AOAH: variants seen among roughly 807,000 people sequenced by gnomAD.
AOAH encodes the protein acyloxyacyl hydrolase (neutrophil).
AOAH carries 64 observed loss-of-function variants against 92.2 expected under a neutral mutation model. That is an observed-to-expected ratio of 0.69 (90% CI 0.57 to 0.86). The LOEUF is 0.86. Ranked by LOEUF, AOAH falls within the 40% of genes least tolerant of loss-of-function variation. The probability of loss-of-function intolerance (pLI) is 0.00; values close to 1 mark genes in which losing one functional copy is unlikely to be tolerated. For synonymous variants in AOAH, 263 were observed against 254.5 expected (o/e 1.03, Z -0.32); for missense variants, 656 against 694.6 (o/e 0.94, Z 0.62).
intron 1 of AOAH, among the ~76,000 whole-genome samples, chr7:36,698,899 T>C (rs1317456207): frequency 1.3e-5 from 2 of 152,216 alleles, no homozygotes; most frequent in Middle Eastern, 3.4e-3. Flanking sequence ...GAACAGTGGG[T>C]ATTATTTCTT....
intron 10 of AOAH, 105 bp from the exon 11 acceptor site, chr7:36,616,579 G>C: frequency 2.2e-6 from 2 of 897,834 alleles, no homozygotes; most frequent in Non-Finnish European, 3.6e-6. Flanking sequence ...TCCAGGCACC[G>C]AGCATTTTCA....
rs1036100569 is a variant in AOAH at position 36,691,935 on chromosome 7, G to A, written c.128-5141C>T. 1.1e-4 allele frequency among the ~76,000 whole-genome samples: 17 copies of A among 152,286 alleles called. No individual in the cohort carries two copies. In the East Asian group the frequency reaches 3.1e-3, roughly 28 times the overall value. On this transcript the variant is annotated intron_variant, in intron 1 of 20. Transcript: ENST00000617537. ...AGGCCCCATGACGGAAAACCGAGGTGCTTCAGCCAGCAGATCACCTAGATC... is the reference window on the plus strand; with the variant it reads ...AGGCCCCATGACGGAAAACCGAGGTACTTCAGCCAGCAGATCACCTAGATC...
chr7:36,583,915 T>C (rs1486940223), intron 12 of AOAH, among the ~76,000 whole-genome samples: 1 of 152,174 alleles, frequency 6.6e-6, no homozygotes, highest in East Asian at 1.9e-4. Context: ...CATTTAAGGC[T>C]GTGGAGGCTT....
At chr7:36,695,603 A>G (rs1261714211) in intron 1 of AOAH, among the ~76,000 whole-genome samples, 2 of 152,164 alleles carry the variant, frequency 1.3e-5, no homozygotes, top group African/African-American at 2.4e-5. Context: ...ATTCTGAACT[A>G]TTTTACTTTA....
intron 1 of AOAH, among the ~76,000 whole-genome samples, chr7:36,703,546 C>A (rs10264136): frequency 0.013 from 2,030 of 152,182 alleles, 50 homozygotes; most frequent in African/African-American, 0.046. Context: ...CCTCCCCTTG[C>A]CTCCCACCCA....
intron 19 of AOAH, among the ~76,000 whole-genome samples, chr7:36,525,964 C>T (rs74916317): frequency 0.057 from 8,649 of 152,190 alleles, 325 homozygotes; most frequent in Middle Eastern, 0.095. Context: ...ATTTACTTGC[C>T]AAGCTTTGCG....
At chr7:36,657,327 T>G (rs1229336673) in intron 4 of AOAH, among the ~76,000 whole-genome samples, 1 of 152,140 alleles carries the variant, frequency 6.6e-6, no homozygotes, top group Non-Finnish European at 1.5e-5. Context: ...GTCACATAAC[T>G]TCTCTAACCC....
chr7:36,557,614 A>C (rs886448952), intron 13 of AOAH, among the ~76,000 whole-genome samples: 16 of 152,216 alleles, frequency 1.1e-4, no homozygotes, highest in Non-Finnish European at 2.1e-4. Context: ...TGTCACTTTC[A>C]GGTACACCAA....
intron 11 of AOAH, among the ~76,000 whole-genome samples, chr7:36,609,496 G>A (rs911404274): frequency 6.6e-6 from 1 of 152,124 alleles, no homozygotes; most frequent in African/African-American, 2.4e-5. Flanking sequence ...TGCTGGATGA[G>A]CTTTAGTTCA....
intron 16 of AOAH, among the ~76,000 whole-genome samples, chr7:36,539,646 G>T (rs1031742917): frequency 2.0e-5 from 3 of 152,304 alleles, no homozygotes; most frequent in African/African-American, 7.2e-5. Context: ...AACATATTCA[G>T]TGAGCTCTGT....
At chr7:36,589,660 G>A (rs1032564781) in intron 12 of AOAH, among the ~76,000 whole-genome samples, 2 of 152,168 alleles carry the variant, frequency 1.3e-5, no homozygotes, top group Non-Finnish European at 2.9e-5. Flanking sequence ...TGAGGTTGAG[G>A]AATGCTAAAT....
chr7:36,712,643 C>T (rs1798844662), intron 1 of AOAH, among the ~76,000 whole-genome samples: 1 of 152,198 alleles, frequency 6.6e-6, no homozygotes, highest in African/African-American at 2.4e-5. Flanking sequence ...TCAGCAGAAA[C>T]TCTACAAGCC....
chr7:36,697,645 T>C (rs76041035), intron 1 of AOAH, among the ~76,000 whole-genome samples: 2,611 of 152,298 alleles, frequency 0.017, 81 homozygotes, highest in African/African-American at 0.06. Context: ...AGTGAAGCCA[T>C]CTAGGCTTGG....
intron 13 of AOAH, among the ~76,000 whole-genome samples, chr7:36,568,395 C>T (rs1184440742): frequency 1.3e-5 from 2 of 152,196 alleles, no homozygotes; most frequent in Non-Finnish European, 2.9e-5. Flanking sequence ...CAAAAAGGCA[C>T]ATTTTGCAGG....
At position 36,614,711 on chromosome 7, in the gene AOAH, A is replaced by G. The variant is rs1423557184; in HGVS notation, c.846+1669T>C. Among the ~76,000 whole-genome samples the G allele has an allele frequency of 1.3e-5, 2 of 152,144 alleles. No homozygotes were observed. Among genetic ancestry groups the G allele is most frequent in the Admixed American group, 6.5e-5 (1 of 15,276 alleles). The stretch of plus-strand genomic sequence containing the variant: ...TGGGAATCTGGGCACAGGCAAGAGG[A>G]AGATTGGGGTTGGGCATGGTGGCAG... On this transcript the variant is annotated intron_variant, in intron 11 of 20. Coordinates refer to ENST00000617537, the MANE Select transcript of AOAH (RefSeq NM_001637.4). The surrounding 1 kb of genome is among the most constrained non-coding windows in gnomAD (Gnocchi z 4.2).
chr7:36,644,250 G>T (rs1162732484), intron 4 of AOAH, among the ~76,000 whole-genome samples: 3 of 152,160 alleles, frequency 2.0e-5, no homozygotes, highest in Non-Finnish European at 4.4e-5. Context: ...GAGTGGCACA[G>T]TCCAGATCCA....
At chr7:36,589,120 A>G (rs949251987) in intron 12 of AOAH, among the ~76,000 whole-genome samples, 5 of 151,998 alleles carry the variant, frequency 3.3e-5, no homozygotes, top group Non-Finnish European at 5.9e-5. Flanking sequence ...GCAGAACCCT[A>G]CTGACTGGAC....
intron 3 of AOAH, among the ~76,000 whole-genome samples, chr7:36,671,272 TTAAG>T (rs1352234298): frequency 6.6e-6 from 1 of 152,212 alleles, no homozygotes; most frequent in Non-Finnish European, 1.5e-5. Context: ...CTTTCCATGC[TTAAG>T]TATTACACCT....
At chr7:36,607,171 C>G (rs774480059) in intron 11 of AOAH, among the ~76,000 whole-genome samples, 3 of 152,156 alleles carry the variant, frequency 2.0e-5, no homozygotes, top group African/African-American at 4.8e-5. Context: ...GCGAATACAG[C>G]TGGGATGGGG....
Sources: gnomAD v4.1 joint callset for allele counts (sites outside exome capture counted in the v4.1 genomes callset) on GRCh38, gnomAD v4.1.1 for gene constraint, Gnocchi (gnomAD v3.1) non-coding constraint, MANE v1.5 for transcripts, NCBI Gene and HGNC (gene_info 2026-07-23, HGNC 2026-07-21) for gene names.